P4HA1: variants seen among roughly 807,000 people sequenced by gnomAD.
P4HA1 encodes the protein prolyl 4-hydroxylase subunit alpha-1.
In P4HA1, 24 loss-of-function variants were observed where a neutral mutation model predicts 72.8. The ratio of observed to expected loss-of-function variants is 0.33; its 90% CI spans 0.24 to 0.46. The LOEUF (loss-of-function observed/expected upper bound fraction) is 0.46. P4HA1 is among the 20% of genes least tolerant of loss of function. P4HA1 has a pLI of 1.00. For synonymous variants in P4HA1, 201 were observed against 218.8 expected, an observed-to-expected ratio of 0.92 and a Z score of 0.72; for missense variants, 446 against 640.6, an observed-to-expected ratio of 0.70 and a Z score of 3.28.
chr10:73,011,826 T>C (rs1589569708), intron 12 of P4HA1, among the ~76,000 whole-genome samples: 1 of 152,000 alleles, frequency 6.6e-6, no homozygotes, highest in Non-Finnish European at 1.5e-5. Flanking sequence ...TTTGGGCAAA[T>C]GCTATCCAAG....
chr10:73,027,495 G>GT (rs1476873410), intron 10 of P4HA1, among the ~76,000 whole-genome samples: 1 of 150,906 alleles, frequency 6.6e-6, no homozygotes, highest in African/African-American at 2.4e-5. Context: ...AATACCTAAT[G>GT]TAAATGATGA....
intron 11 of P4HA1, among the ~76,000 whole-genome samples, chr10:73,015,340 C>G (rs1383195285): frequency 1.3e-5 from 2 of 152,128 alleles, no homozygotes; most frequent in Non-Finnish European, 2.9e-5. Flanking sequence ...TCCAAATGTC[C>G]TTCGATGGGT....
intron 1 of P4HA1, among the ~76,000 whole-genome samples, chr10:73,082,300 G>A (rs574304223): frequency 1.3e-5 from 2 of 152,278 alleles, no homozygotes; most frequent in East Asian, 1.9e-4. Context: ...GAGTTATGAG[G>A]AGTCATTGAA....
At chr10:73,022,412 TG>T (rs1259258472) in intron 10 of P4HA1, among the ~76,000 whole-genome samples, 1 of 152,198 alleles carries the variant, frequency 6.6e-6, no homozygotes, top group Non-Finnish European at 1.5e-5. Context: ...GGGACCTGAC[TG>T]TTAGAAGGAA....
At chr10:73,018,793 G>A (rs1025405875) in intron 10 of P4HA1, among the ~76,000 whole-genome samples, 1 of 151,940 alleles carries the variant, frequency 6.6e-6, no homozygotes, top group African/African-American at 2.4e-5. Flanking sequence ...GTCCACCAGG[G>A]GTAGACTCAC....
intron 7 of P4HA1, among the ~76,000 whole-genome samples, chr10:73,050,748 C>G (rs1841000318): frequency 1.3e-5 from 2 of 151,846 alleles, no homozygotes; most frequent in Admixed American, 1.3e-4. Context: ...TTCTGTAGCC[C>G]AGGCTGGAGT....
chr10:73,063,623 TAAATGTTTCTCTTAGGGACATGCAAAA>T (rs1841360432), intron 5 of P4HA1, among the ~76,000 whole-genome samples: 2 of 152,248 alleles, frequency 1.3e-5, no homozygotes, highest in Admixed American at 1.3e-4. Context: ...GCAGCAATTA[TAAATGTTTCTCTTAGGGACATGCAAAA>T]CACATAAGAT....
chr10:73,093,893 TATATATATATATATACAC>T lies in P4HA1; in HGVS notation c.-33+2855_-33+2872del, dbSNP rs1346346735. Among the ~76,000 whole-genome samples, 5 of 83,238 alleles carry T rather than the reference TATATATATATATATACAC, an allele frequency of 6.0e-5. No homozygotes were observed. The Admixed American group carries it at 6.1e-4, about 10-fold the overall frequency. The allele number at this position is 83,238 out of a possible 152,430, so 54.6% of individuals were successfully genotyped here. A position where few individuals can be genotyped will look rare whatever the true frequency, so the allele number is the denominator to read the frequency against. ...AAAAAAATATATATATATATATATA[TATATATATATATATACAC>T]ACACACACACACACACATACTCATT... On this transcript the variant is annotated intron_variant, in intron 1 of 14. Coordinates refer to ENST00000394890, the MANE Select transcript of P4HA1 (RefSeq NM_001017962.3).
At chr10:73,073,530 C>A (rs1045767609) in intron 3 of P4HA1, among the ~76,000 whole-genome samples, 3 of 152,120 alleles carry the variant, frequency 2.0e-5, no homozygotes, top group Non-Finnish European at 4.4e-5. Context: ...TGGTATCTAT[C>A]CATATTCTTA....
chr10:73,093,905 T>TATATAC (rs1842106843), intron 1 of P4HA1, among the ~76,000 whole-genome samples: 1 of 75,658 alleles, frequency 1.3e-5, no homozygotes, highest in Non-Finnish European at 2.3e-5. Flanking sequence ...TATATATATA[T>TATATAC]ATACACACAC....
chr10:73,065,982 C>T (rs1841411864), intron 5 of P4HA1, among the ~76,000 whole-genome samples: 1 of 152,014 alleles, frequency 6.6e-6, no homozygotes, highest in Admixed American at 6.6e-5. Flanking sequence ...GTACTATTGA[C>T]ATAAAATTTA....
chr10:73,043,874 A>G (rs1840792615), intron 9 of P4HA1: 1 of 1,584,990 alleles, frequency 6.3e-7, no homozygotes, highest in East Asian at 2.2e-5. Flanking sequence ...AGTTCTCTCC[A>G]TTACTCCCTT....
At chr10:73,084,793 G>T (rs7920974) in intron 1 of P4HA1, among the ~76,000 whole-genome samples, 24,102 of 152,088 alleles carry the variant, frequency 0.16, 3,155 homozygotes, top group African/African-American at 0.34. Context: ...CAAGATAACT[G>T]TAAATTTACC....
chr10:73,043,297 T>C (rs1166765688), intron 9 of P4HA1, among the ~76,000 whole-genome samples: 1 of 152,188 alleles, frequency 6.6e-6, no homozygotes, highest in African/African-American at 2.4e-5. Context: ...CACAAAGATA[T>C]TTCTATTTTC....
At chr10:73,059,424 TAA>T (rs920360586) in intron 5 of P4HA1, among the ~76,000 whole-genome samples, 2 of 24,178 alleles carry the variant, frequency 8.3e-5, no homozygotes, top group Non-Finnish European at 2.0e-4. Flanking sequence ...ACAATATATT[TAA>T]AAAAAAAAAA....
intron 9 of P4HA1, among the ~76,000 whole-genome samples, chr10:73,042,541 T>C (rs1840761674): frequency 6.6e-6 from 1 of 152,224 alleles, no homozygotes; most frequent in Non-Finnish European, 1.5e-5. Context: ...AAATGATTAC[T>C]TTAAATGTAT....
chr10:73,059,423 TTAAAAAAAAAAAAAAA>T (rs747873500), intron 5 of P4HA1, among the ~76,000 whole-genome samples: 4,910 of 47,542 alleles, frequency 0.1, 401 homozygotes, highest in East Asian at 0.36. Flanking sequence ...GACAATATAT[TTAAAAAAAAAAAAAAA>T]AAAAAAAAAA....
intron 1 of P4HA1, among the ~76,000 whole-genome samples, chr10:73,091,213 G>C (rs1365018498): frequency 6.6e-6 from 1 of 151,834 alleles, no homozygotes; most frequent in Non-Finnish European, 1.5e-5. Context: ...AAGGAGGAAG[G>C]TTGTCAGAAC....
intron 9 of P4HA1, among the ~76,000 whole-genome samples, chr10:73,044,701 GC>G (rs1357930226): frequency 2.6e-5 from 4 of 152,094 alleles, no homozygotes; most frequent in Non-Finnish European, 5.9e-5. Context: ...CAAGTATCAG[GC>G]CACTTCCTGG....
Sources: allele counts gnomAD v4.1 joint callset (sites outside exome capture counted in the v4.1 genomes callset), GRCh38; gene constraint gnomAD v4.1.1; transcripts MANE v1.5; gene names NCBI Gene and HGNC (gene_info 2026-07-23, HGNC 2026-07-21).